NCEH1: variants seen among roughly 807,000 people sequenced by gnomAD.
NCEH1 encodes the protein 2-acetyl MAGE hydrolase.
A neutral mutation model predicts 25.4 loss-of-function variants in NCEH1; 9 were observed. That is an observed-to-expected ratio of 0.35 (90% CI 0.21 to 0.62). NCEH1 has a LOEUF of 0.62. NCEH1 is among the 20% of genes least tolerant of loss of function. The probability of loss-of-function intolerance (pLI) is 0.72; values close to 1 mark genes in which losing one functional copy is unlikely to be tolerated. For synonymous variants in NCEH1, 200 were observed against 199.8 expected (o/e 1.00, Z -0.01); for missense variants, 412 against 501.1 (o/e 0.82, Z 1.70).
chr3:172,657,162 T>A (rs1390127587), intron 1 of NCEH1, among the ~76,000 whole-genome samples: 2 of 152,220 alleles, frequency 1.3e-5, no homozygotes, highest in Admixed American at 1.3e-4. Context: ...AGCAAGCCAA[T>A]GTACTATCAT....
chr3:172,648,444 T>C (rs1033050634), intron 1 of NCEH1, among the ~76,000 whole-genome samples: 25 of 152,144 alleles, frequency 1.6e-4, no homozygotes, highest in African/African-American at 5.8e-4. Context: ...AGTACCTTTT[T>C]TTTCTAAATA....
At chr3:172,668,481 A>T (rs1275590271) in intron 1 of NCEH1, among the ~76,000 whole-genome samples, 1 of 149,134 alleles carries the variant, frequency 6.7e-6, no homozygotes, top group South Asian at 2.1e-4. Context: ...CAGCCTCCTG[A>T]GTAGCTGGGA....
chr3:172,661,879 T>C (rs967728228), intron 1 of NCEH1, among the ~76,000 whole-genome samples: 1 of 152,306 alleles, frequency 6.6e-6, no homozygotes, highest in African/African-American at 2.4e-5. Context: ...TGGGCTGAGA[T>C]GATGGGGTTT....
intron 1 of NCEH1, among the ~76,000 whole-genome samples, chr3:172,651,559 G>A (rs369185655): frequency 1.2e-4 from 18 of 151,642 alleles, no homozygotes; most frequent in Admixed American, 6.6e-4. Flanking sequence ...ATCTTTTGGA[G>A]AATCTTTTTT....
intron 1 of NCEH1, among the ~76,000 whole-genome samples, chr3:172,677,284 T>G (rs896946451): frequency 6.6e-6 from 1 of 152,156 alleles, no homozygotes; most frequent in African/African-American, 2.4e-5. Context: ...TTGAAAAAAC[T>G]GTGTCTTAAA....
chr3:172,653,763 T>TTTTTTTTTAGACAGAGTTTGTTTG, intron 1 of NCEH1, among the ~76,000 whole-genome samples: 1 of 97,856 alleles, frequency 1.0e-5, no homozygotes, highest in Non-Finnish European at 2.0e-5. Context: ...TTTTTTTGTT[T>TTTTTTTTTAGACAGAGTTTGTTTG]TTTTTTTTTT....
intron 1 of NCEH1, among the ~76,000 whole-genome samples, chr3:172,695,209 A>G (rs1713289407): frequency 6.6e-6 from 1 of 152,212 alleles, no homozygotes; most frequent in African/African-American, 2.4e-5. Context: ...TGAGGAAAAT[A>G]TCAACCCTGC....
intron 1 of NCEH1, among the ~76,000 whole-genome samples, chr3:172,665,838 A>G (rs942915782): frequency 6.6e-6 from 1 of 152,220 alleles, no homozygotes; most frequent in Non-Finnish European, 1.5e-5. Context: ...AGACCACTGG[A>G]AAAGCACAGT....
intron 1 of NCEH1, among the ~76,000 whole-genome samples, chr3:172,650,373 G>C (rs1717337018): frequency 6.6e-6 from 1 of 152,082 alleles, no homozygotes; most frequent in Non-Finnish European, 1.5e-5. Context: ...ACCGGGTGCG[G>C]TGGCTCACGC....
intron 1 of NCEH1, among the ~76,000 whole-genome samples, chr3:172,710,120 G>C (rs1200848686): frequency 6.6e-6 from 1 of 152,192 alleles, no homozygotes; most frequent in African/African-American, 2.4e-5. Context: ...AGGTAACCTC[G>C]CTCAGGAAAA....
chr3:172,642,438 C>A (rs1303174465), intron 3 of NCEH1, among the ~76,000 whole-genome samples: 4 of 151,458 alleles, frequency 2.6e-5, no homozygotes, highest in African/African-American at 9.7e-5. Flanking sequence ...AGCCTCCCAA[C>A]GTGTTGGGAT....
intron 1 of NCEH1, among the ~76,000 whole-genome samples, chr3:172,700,623 C>T (rs987066432): frequency 6.6e-6 from 1 of 152,202 alleles, no homozygotes; most frequent in Non-Finnish European, 1.5e-5. Flanking sequence ...TCCTCAGTCT[C>T]CCCAGTAGCT....
rs574808093 is a variant in NCEH1, at chr3:172,657,397, T to C, written c.139-9283A>G. On this transcript the variant is annotated intron_variant, in intron 1 of 4. Transcript: ENST00000475381. ...AAATTCTCAATTATCTAACCATAAGTCTAACTTCTAAGCTAGAAACCTTAC... is the reference window on the plus strand; with the variant it reads ...AAATTCTCAATTATCTAACCATAAGCCTAACTTCTAAGCTAGAAACCTTAC... 2.0e-4 allele frequency among the ~76,000 whole-genome samples: 31 copies of C among 152,254 alleles called. 1 individual carries two copies. The South Asian group carries it at 5.6e-3, about 27-fold the overall frequency.
chr3:172,680,540 A>G (rs1712293953), intron 1 of NCEH1, among the ~76,000 whole-genome samples: 1 of 152,196 alleles, frequency 6.6e-6, no homozygotes, highest in African/African-American at 2.4e-5. Context: ...CCAGGCACCC[A>G]GGATGGTGGA....
intron 4 of NCEH1, among the ~76,000 whole-genome samples, 170 bp from the exon 5 acceptor site, chr3:172,634,262 T>C (rs1716507362): frequency 6.6e-6 from 1 of 152,188 alleles, no homozygotes; most frequent in Non-Finnish European, 1.5e-5. Flanking sequence ...TTCTCCATCA[T>C]TACCATCACC....
intron 1 of NCEH1, among the ~76,000 whole-genome samples, chr3:172,673,116 T>TC (rs1711738075): frequency 6.6e-6 from 1 of 152,176 alleles, no homozygotes; most frequent in Admixed American, 6.5e-5. Context: ...AAGCCAGGCC[T>TC]CCTCTCTTCC....
chr3:172,653,749 T>TGC (rs1399586543), intron 1 of NCEH1, among the ~76,000 whole-genome samples: 1 of 80,708 alleles, frequency 1.2e-5, no homozygotes, highest in African/African-American at 5.2e-5. Context: ...TTTTTGTTTT[T>TGC]TTGTTTTTTT....
intron 1 of NCEH1, among the ~76,000 whole-genome samples, chr3:172,654,373 T>A (rs1304689388): frequency 6.6e-6 from 1 of 152,304 alleles, no homozygotes; most frequent in African/African-American, 2.4e-5. Context: ...GCCTGTCACA[T>A]AAGAAGCCCT....
At chr3:172,641,057 C>T (rs996774254) in intron 3 of NCEH1, among the ~76,000 whole-genome samples, 1 of 152,098 alleles carries the variant, frequency 6.6e-6, no homozygotes, top group East Asian at 1.9e-4. Flanking sequence ...CAAAACTGCA[C>T]CATTGCACTC....
Sources: gnomAD v4.1 joint callset for allele counts (sites outside exome capture counted in the v4.1 genomes callset) on GRCh38, gnomAD v4.1.1 for gene constraint, MANE v1.5 for transcripts, NCBI Gene and HGNC (gene_info 2026-07-23, HGNC 2026-07-21) for gene names.